NEK10: variants seen among roughly 807,000 people sequenced by gnomAD.
NEK10 encodes the protein serine/threonine-protein kinase Nek10.
A neutral mutation model predicts 159.8 loss-of-function variants in NEK10; 122 were observed. The ratio of observed to expected loss-of-function variants is 0.76; its 90% CI spans 0.66 to 0.89. The LOEUF (loss-of-function observed/expected upper bound fraction) is 0.89, where lower values mean the gene tolerates loss of function less well. Among genes scored for constraint, NEK10 ranks in the 40% least tolerant of loss-of-function variants. NEK10 has a pLI of 0.00. For synonymous variants in NEK10, 466 were observed against 457.1 expected, an observed-to-expected ratio of 1.02 and a Z score of -0.25; for missense variants, 1,342 against 1,323.1, an observed-to-expected ratio of 1.01 and a Z score of -0.22.
At chr3:27,156,545 G>A (rs1945442122) in intron 30 of NEK10, among the ~76,000 whole-genome samples, 1 of 151,898 alleles carries the variant, frequency 6.6e-6, no homozygotes, top group African/African-American at 2.4e-5. Context: ...ACGAACATAC[G>A]AAAAAATGTT....
chr3:27,320,097 A>G (rs1424245668), intron 6 of NEK10, among the ~76,000 whole-genome samples: 2 of 152,210 alleles, frequency 1.3e-5, no homozygotes, highest in East Asian at 3.9e-4. Flanking sequence ...TTCTGTGTGG[A>G]AAGAGTGCCA....
rs1312309559 is a variant in NEK10, at chr3:27,284,613, T to C, written c.2003A>G (p.Lys668Arg). Residue 668 changes from lysine (K) to arginine (R), a missense_variant, in exon 22 of 36, where the codon AAA (lysine) becomes AGA (arginine). Physicochemically the swap from Lys to Arg is conservative, Grantham distance 26. Coordinates refer to ENST00000691995, the MANE Select transcript of NEK10 (RefSeq NM_001394966.1). ...PNNIMLGDKD[K>R]VTVTDFGLAK... Reference sequence around the variant, plus strand: ...ATCTTTATACTTACTAACGGTTACTTTGTCCTTATCCCCCAACATAATGTT... The same window carrying C: ...ATCTTTATACTTACTAACGGTTACTCTGTCCTTATCCCCCAACATAATGTT... The C allele has an allele frequency of 1.3e-6, 2 of 1,569,302 alleles. No individual in the cohort carries two copies.
At chr3:27,242,778 T>G (rs990071069) in intron 23 of NEK10, among the ~76,000 whole-genome samples, 8 of 152,326 alleles carry the variant, frequency 5.3e-5, no homozygotes, top group Middle Eastern at 3.4e-3. Context: ...AATGCTTTAC[T>G]GAGGAATAGA....
intron 28 of NEK10, among the ~76,000 whole-genome samples, chr3:27,173,177 A>G (rs1457584936): frequency 6.6e-6 from 1 of 152,202 alleles, no homozygotes; most frequent in African/African-American, 2.4e-5. Flanking sequence ...CAAATGTGCT[A>G]AACAAACAAA....
chr3:27,173,250 C>T (rs1382661409), intron 28 of NEK10, among the ~76,000 whole-genome samples: 2 of 152,128 alleles, frequency 1.3e-5, no homozygotes, highest in African/African-American at 2.4e-5. Flanking sequence ...AATGTCATAA[C>T]CATCCTTGCC....
intron 25 of NEK10, among the ~76,000 whole-genome samples, chr3:27,199,316 C>G (rs2149024434): frequency 6.6e-6 from 1 of 152,250 alleles, no homozygotes; most frequent in Non-Finnish European, 1.5e-5. Flanking sequence ...ACAGACACTT[C>G]ACAAAAGAAG....
chr3:27,204,315 T>TTTTTTTTTTTTTGTTTTG (rs1559606319), intron 23 of NEK10, among the ~76,000 whole-genome samples: 2 of 113,262 alleles, frequency 1.8e-5, no homozygotes, highest in Admixed American at 1.1e-4. Flanking sequence ...TTTTTTTTTT[T>TTTTTTTTTTTTTGTTTTG]TTTTTTATTA....
At chr3:27,132,800 T>C (rs914120644) in intron 31 of NEK10, among the ~76,000 whole-genome samples, 2 of 152,056 alleles carry the variant, frequency 1.3e-5, no homozygotes, top group East Asian at 1.9e-4. Context: ...TTTGGTTTTG[T>C]TTAAATTATG....
In NEK10 at chr3:27,333,507, T is replaced by C. The variant is rs555161474; in HGVS notation, c.362+10765A>G. On this transcript the variant is annotated intron_variant, in intron 5 of 35. Coordinates refer to ENST00000691995, the MANE Select transcript of NEK10 (RefSeq NM_001394966.1). Reference sequence around the variant, plus strand: ...GTCGCAGTGAGCCCAGATCGCATCATTGCACGCCAGCCTGGGCAACAAGAG... The same window carrying C: ...GTCGCAGTGAGCCCAGATCGCATCACTGCACGCCAGCCTGGGCAACAAGAG... Among the ~76,000 whole-genome samples the C allele has an allele frequency of 2.6e-5, 4 of 151,348 alleles. No individual in the cohort carries two copies. The East Asian group carries it at 7.8e-4, about 29-fold the overall frequency.
intron 22 of NEK10, among the ~76,000 whole-genome samples, chr3:27,259,066 GT>G (rs139913702): frequency 0.042 from 6,189 of 148,524 alleles, 178 homozygotes; most frequent in African/African-American, 0.075. Context: ...TGATGCAGTT[GT>G]TTTTTTTTTA....
intron 23 of NEK10, among the ~76,000 whole-genome samples, chr3:27,210,235 G>T (rs1950886625): frequency 6.6e-6 from 1 of 152,052 alleles, no homozygotes; most frequent in Non-Finnish European, 1.5e-5. Flanking sequence ...TCTGGTGAGG[G>T]CCCTCTTGCT....
At chr3:27,367,145 ATATAAAG>A (rs1252290529) in intron 1 of NEK10, among the ~76,000 whole-genome samples, 1 of 152,160 alleles carries the variant, frequency 6.6e-6, no homozygotes, top group Non-Finnish European at 1.5e-5. Flanking sequence ...AGCTTACTAT[ATATAAAG>A]CACTATACCT....
intron 26 of NEK10, among the ~76,000 whole-genome samples, chr3:27,191,649 A>G (rs189309375): frequency 7.2e-5 from 11 of 152,324 alleles, no homozygotes; most frequent in African/African-American, 2.6e-4. Flanking sequence ...TTTAAAGGCA[A>G]ATGTTATTTC....
chr3:27,152,784 G>A (rs796204733), intron 30 of NEK10, among the ~76,000 whole-genome samples: 40 of 152,150 alleles, frequency 2.6e-4, no homozygotes, highest in African/African-American at 9.2e-4. Context: ...AACACATAAG[G>A]ACTCACAAAA....
chr3:27,237,735 C>T (rs1452325392), intron 23 of NEK10, among the ~76,000 whole-genome samples: 1 of 151,994 alleles, frequency 6.6e-6, no homozygotes, highest in Non-Finnish European at 1.5e-5. Context: ...GTGATGGGTA[C>T]ACTAAAGTCT....
intron 26 of NEK10, among the ~76,000 whole-genome samples, chr3:27,185,640 A>G (rs1948547041): frequency 6.6e-6 from 1 of 152,224 alleles, no homozygotes; most frequent in Non-Finnish European, 1.5e-5. Flanking sequence ...CTTGCAATAA[A>G]TATCTGAATA....
chr3:27,168,480 G>A (rs984845917), intron 29 of NEK10, among the ~76,000 whole-genome samples: 3 of 152,136 alleles, frequency 2.0e-5, no homozygotes, highest in Admixed American at 6.5e-5. Flanking sequence ...GTTCTTTAAA[G>A]AATTATAAAT....
chr3:27,253,872 C>G lies in NEK10; in HGVS notation c.2090+2424G>C, dbSNP rs182524370. 8.9e-4 allele frequency among the ~76,000 whole-genome samples: 136 copies of G among 152,246 alleles called. No individual in the cohort carries two copies. In the Middle Eastern group the frequency reaches 0.01, roughly 11 times the overall value. ...AGAATGTCGGGACCCTAGCCAGACTCCTACTCACATTTCCAGTACAAGTCT... is the reference window on the plus strand; with the variant it reads ...AGAATGTCGGGACCCTAGCCAGACTGCTACTCACATTTCCAGTACAAGTCT... On this transcript the variant is annotated intron_variant, in intron 23 of 35. Transcript: ENST00000691995.
chr3:27,208,473 G>A (rs1049124195), intron 23 of NEK10, among the ~76,000 whole-genome samples: 14 of 152,164 alleles, frequency 9.2e-5, no homozygotes, highest in African/African-American at 3.4e-4. Context: ...TCTCCACTAT[G>A]GAGGAGTAAA....
Sources: gnomAD v4.1 joint callset for allele counts (sites outside exome capture counted in the v4.1 genomes callset) on GRCh38, gnomAD v4.1.1 for gene constraint, MANE v1.5 for transcripts, NCBI Gene and HGNC (gene_info 2026-07-23, HGNC 2026-07-21) for gene names.